The following GDAP1 variants were observed in gnomAD, a reference collection of about 807,000 sequenced individuals.
The protein encoded by GDAP1 is ganglioside induced differentiation associated protein 1.
GDAP1 carries 34 observed loss-of-function variants against 40.1 expected under a neutral mutation model. That is an observed-to-expected ratio of 0.85 (90% CI 0.64 to 1.13). The LOEUF is 1.13. GDAP1 is among the 50% of genes most tolerant of loss of function. The probability of loss-of-function intolerance (pLI) is 0.00; values close to 1 mark genes in which losing one functional copy is unlikely to be tolerated. For synonymous variants in GDAP1, 170 were observed against 157.4 expected (o/e 1.08, Z -0.60); for missense variants, 374 against 433.7 (o/e 0.86, Z 1.22).
intron 2 of GDAP1, among the ~76,000 whole-genome samples, chr8:74,456,335 G>A (rs143156674): frequency 6.2e-4 from 94 of 152,012 alleles, no homozygotes; most frequent in Non-Finnish European, 9.4e-4. Context: ...ATTATATAGA[G>A]GTTTTATTAA....
At chr8:74,389,996 C>T (rs1330180331) in intron 2 of GDAP1, among the ~76,000 whole-genome samples, 2 of 152,190 alleles carry the variant, frequency 1.3e-5, no homozygotes, top group Non-Finnish European at 2.9e-5. Context: ...GCGTACGCTT[C>T]ACGAAGTTCT....
At chr8:74,470,103 G>GT (rs975952096) in intron 2 of GDAP1, among the ~76,000 whole-genome samples, 11 of 151,238 alleles carry the variant, frequency 7.3e-5, no homozygotes, top group East Asian at 1.9e-4. Context: ...CTCTGTTTAG[G>GT]TTTTTTTTTC....
At chr8:74,427,308 T>G (rs529968851) in intron 2 of GDAP1, among the ~76,000 whole-genome samples, 32 of 152,208 alleles carry the variant, frequency 2.1e-4, no homozygotes, top group African/African-American at 7.7e-4. Context: ...GCATAGAAAA[T>G]GCTCAGCTGA....
chr8:74,393,081 A>G (rs1810136995), intron 2 of GDAP1, among the ~76,000 whole-genome samples: 1 of 152,216 alleles, frequency 6.6e-6, no homozygotes, highest in South Asian at 2.1e-4. Flanking sequence ...TTTACAAGGA[A>G]CAGGTTTCAT....
chr8:74,466,920 G>T (rs2131582414), intron 2 of GDAP1, among the ~76,000 whole-genome samples: 1 of 152,260 alleles, frequency 6.6e-6, no homozygotes, highest in South Asian at 2.1e-4. Flanking sequence ...CAGATAGAGG[G>T]GAATAGATGC....
chr8:74,481,802 G>A (rs1275591744), intron 2 of GDAP1, among the ~76,000 whole-genome samples: 2 of 152,148 alleles, frequency 1.3e-5, no homozygotes, highest in East Asian at 3.9e-4. Flanking sequence ...ATAAGGAGAA[G>A]GGGGCTAAAA....
Position 74,356,714 on chromosome 8 carries a change from A to ATTTTT in GDAP1, c.311-3422_311-3421insTTTTT, listed in dbSNP as rs1453688558. Reference sequence around the variant, plus strand: ...TGTTTGTGTGTGTGTATATATATATATATTTTTTTTTTTTTTTTTGAGACG... The same window carrying ATTTTT: ...TGTTTGTGTGTGTGTATATATATATATTTTTTATTTTTTTTTTTTTTTTTGAGACG... On this transcript the variant is annotated intron_variant, in intron 2 of 5. Coordinates refer to ENST00000220822, the MANE Select transcript of GDAP1 (RefSeq NM_018972.4). Among the ~76,000 whole-genome samples, 8 of 57,892 alleles carry ATTTTT rather than the reference A, an allele frequency of 1.4e-4. No homozygotes were observed. The South Asian group carries it at 1.8e-3, about 13-fold the overall frequency. The allele number at this position is 57,892 out of a possible 152,430, so 38.0% of individuals were successfully genotyped here.
intron 2 of GDAP1, among the ~76,000 whole-genome samples, chr8:74,396,232 AT>A (rs1254539188): frequency 1.3e-5 from 2 of 152,092 alleles, no homozygotes; most frequent in Non-Finnish European, 1.5e-5. Context: ...CATCAGAAAA[AT>A]GTTTTTAAAA....
At chr8:74,400,013 A>G (rs1248931553) in intron 2 of GDAP1, among the ~76,000 whole-genome samples, 1 of 144,368 alleles carries the variant, frequency 6.9e-6, no homozygotes, top group Non-Finnish European at 1.5e-5. Context: ...GTGCTGAAAA[A>G]AATGTATATT....
chr8:74,383,277 T>C (rs1486457544), intron 2 of GDAP1, among the ~76,000 whole-genome samples: 1 of 152,236 alleles, frequency 6.6e-6, no homozygotes, highest in African/African-American at 2.4e-5. Flanking sequence ...TTCACCTGTT[T>C]GCAGGTTTCT....
chr8:74,372,085 A>G (rs1438746789), intron 2 of GDAP1, among the ~76,000 whole-genome samples: 1 of 152,150 alleles, frequency 6.6e-6, no homozygotes, highest in East Asian at 1.9e-4. Context: ...ATGTCCCTAC[A>G]AAGGACATGA....
At chr8:74,485,454 G>T (rs532165739) in intron 2 of GDAP1, among the ~76,000 whole-genome samples, 1 of 152,244 alleles carries the variant, frequency 6.6e-6, no homozygotes, top group East Asian at 1.9e-4. Flanking sequence ...TTGGGTGATA[G>T]ATTAGGTGGT....
intron 2 of GDAP1, among the ~76,000 whole-genome samples, chr8:74,355,644 C>T (rs1017507975): frequency 1.3e-5 from 2 of 152,134 alleles, no homozygotes; most frequent in Admixed American, 6.5e-5. Context: ...ATCTATTGTA[C>T]TCATAACCTC....
intron 2 of GDAP1, among the ~76,000 whole-genome samples, chr8:74,401,381 C>T (rs1308292746): frequency 2.0e-5 from 3 of 149,906 alleles, no homozygotes; most frequent in Non-Finnish European, 4.4e-5. Flanking sequence ...ACGTAGTTCT[C>T]GAGCCTTGGC....
chr8:74,361,779 A>G, intron 3 of GDAP1, 105 bp from the exon 4 acceptor site: 1 of 745,924 alleles, frequency 1.3e-6, no homozygotes, highest in Non-Finnish European at 2.4e-6. Context: ...GCAGGGCATG[A>G]GCCCCAGAGC....
intron 2 of GDAP1, among the ~76,000 whole-genome samples, chr8:74,407,234 C>T (rs1805652029): frequency 6.7e-6 from 1 of 149,626 alleles, no homozygotes; most frequent in Non-Finnish European, 1.5e-5. Flanking sequence ...GAGTTCGAGA[C>T]CAGCCTGGAC....
chr8:74,480,396 G>C (rs950181179), intron 2 of GDAP1, among the ~76,000 whole-genome samples: 1 of 152,174 alleles, frequency 6.6e-6, no homozygotes. Flanking sequence ...GAATAAAGAG[G>C]TTACTTCCAG....
At chr8:74,354,553 A>C (rs1191269303) in intron 2 of GDAP1, among the ~76,000 whole-genome samples, 1 of 152,262 alleles carries the variant, frequency 6.6e-6, no homozygotes, top group Non-Finnish European at 1.5e-5. Context: ...AAAATGGAAA[A>C]ATAAGATAAA....
At chr8:74,352,515 A>G (rs928985654) in intron 2 of GDAP1, among the ~76,000 whole-genome samples, 5 of 152,244 alleles carry the variant, frequency 3.3e-5, no homozygotes. Flanking sequence ...GAAAATGAGT[A>G]TTATTAGGCC....
Sources: gnomAD v4.1 joint callset for allele counts (sites outside exome capture counted in the v4.1 genomes callset) on GRCh38, gnomAD v4.1.1 for gene constraint, MANE v1.5 for transcripts, NCBI Gene and HGNC (gene_info 2026-07-23, HGNC 2026-07-21) for gene names.